Variants in HEMK2 observed in about 807,000 individuals in gnomAD.
HEMK2 encodes the protein methyltransferase HEMK2.
At chr21:28,785,219 C>T in the HEMK2 span, among the ~76,000 whole-genome samples, 3 of 152,152 alleles carry the variant, frequency 2.0e-5, no homozygotes, top group East Asian at 1.9e-4. Flanking sequence ...CGCAAGGGTC[C>T]GCGGCTTCAT....
chr21:28,770,825 T>C, the HEMK2 span, among the ~76,000 whole-genome samples: 1 of 152,104 alleles, frequency 6.6e-6, no homozygotes, highest in African/African-American at 2.4e-5. Flanking sequence ...GTCTGTGGTA[T>C]TCTCTCATAG....
chr21:28,742,977 T>C, the HEMK2 span, among the ~76,000 whole-genome samples: 3 of 152,182 alleles, frequency 2.0e-5, no homozygotes, highest in African/African-American at 7.2e-5. Context: ...CCCATTGTGA[T>C]AGTAAATATT....
the HEMK2 span, among the ~76,000 whole-genome samples, chr21:28,706,769 A>G: frequency 7.2e-6 from 1 of 138,382 alleles, no homozygotes. Flanking sequence ...GGAATTTCAG[A>G]TACTCACTCT....
chr21:28,585,315 G>C, the HEMK2 span, among the ~76,000 whole-genome samples: 1 of 147,664 alleles, frequency 6.8e-6, no homozygotes, highest in African/African-American at 2.5e-5. Context: ...CTGGGTGACA[G>C]AGCAAGACTC....
At chr21:28,717,526 C>G in the HEMK2 span, among the ~76,000 whole-genome samples, 1 of 146,680 alleles carries the variant, frequency 6.8e-6, no homozygotes, top group Non-Finnish European at 1.5e-5. Context: ...GTCACCCAGG[C>G]TGGAGTACAG....
At chr21:28,864,889 T>TAGATGATAGATATAGATAGATTA in the HEMK2 span, among the ~76,000 whole-genome samples, 6 of 95,554 alleles carry the variant, frequency 6.3e-5, no homozygotes, top group Admixed American at 3.0e-4. Context: ...TAGATATAGA[T>TAGATGATAGATATAGATAGATTA]GATAGATAGA....
chr21:28,653,734 C>T, the HEMK2 span, among the ~76,000 whole-genome samples: 1 of 152,164 alleles, frequency 6.6e-6, no homozygotes, highest in Non-Finnish European at 1.5e-5. Flanking sequence ...GATACAAGCA[C>T]TGATTTGTGT....
At chr21:28,883,023 T>C in the HEMK2 span, 1 of 1,608,732 alleles carries the variant, frequency 6.2e-7, no homozygotes, top group Non-Finnish European at 8.5e-7. Context: ...AGGCTAGGAA[T>C]GCAGATACTA....
At chr21:28,789,086 G>C in the HEMK2 span, among the ~76,000 whole-genome samples, 9 of 152,146 alleles carry the variant, frequency 5.9e-5, no homozygotes, top group Non-Finnish European at 1.0e-4. Context: ...CTGCAGAATT[G>C]TGAGAAATAA....
the HEMK2 span, among the ~76,000 whole-genome samples, chr21:28,672,817 T>G: frequency 6.6e-6 from 1 of 152,166 alleles, no homozygotes; most frequent in Non-Finnish European, 1.5e-5. Context: ...AAAATGTAAT[T>G]CTTCCCTCAC....
chr21:28,665,390 T>TAAAAA, the HEMK2 span, among the ~76,000 whole-genome samples: 4 of 73,422 alleles, frequency 5.4e-5, no homozygotes, highest in African/African-American at 2.7e-4. Context: ...TTTTTTAATT[T>TAAAAA]TTTTTTTTTT....
the HEMK2 span, among the ~76,000 whole-genome samples, chr21:28,582,187 C>T: frequency 2.6e-5 from 4 of 152,102 alleles, no homozygotes; most frequent in Non-Finnish European, 5.9e-5. Context: ...GTTTGGGGAC[C>T]ACTCAGTTCA....
the HEMK2 span, among the ~76,000 whole-genome samples, chr21:28,697,261 AT>A: frequency 2.6e-5 from 4 of 152,136 alleles, no homozygotes; most frequent in East Asian, 7.7e-4. Context: ...CTGCTTAGAA[AT>A]TTCTTTCCCC....
At chr21:28,672,998 AAGAGAAAGAAAGAAAG>A in the HEMK2 span, among the ~76,000 whole-genome samples, 2,432 of 122,572 alleles carry the variant, frequency 0.02, 68 homozygotes, top group African/African-American at 0.072. Context: ...AAGAAAAAGA[AAGAGAAAGAAAGAAAG>A]AAAGAAAGAA....
At chr21:28,824,144 C>G in the HEMK2 span, among the ~76,000 whole-genome samples, 1 of 152,212 alleles carries the variant, frequency 6.6e-6, no homozygotes, top group African/African-American at 2.4e-5. Context: ...AGTACCACAG[C>G]AGACCAATTA....
the HEMK2 span, among the ~76,000 whole-genome samples, chr21:28,656,646 T>C: frequency 6.6e-6 from 1 of 152,006 alleles, no homozygotes; most frequent in African/African-American, 2.4e-5. Flanking sequence ...ACATCAGGCC[T>C]CCACCTAAAC....
the HEMK2 span, among the ~76,000 whole-genome samples, chr21:28,794,491 TA>T: frequency 6.6e-6 from 1 of 152,204 alleles, no homozygotes; most frequent in Non-Finnish European, 1.5e-5. Flanking sequence ...ATGCAAACAC[TA>T]AAAACAACAA....
At chr21:28,784,766 G>A in the HEMK2 span, among the ~76,000 whole-genome samples, 3 of 152,076 alleles carry the variant, frequency 2.0e-5, no homozygotes, top group Non-Finnish European at 4.4e-5. Context: ...TCTGTAAAAT[G>A]GACCAATCAG....
At chr21:28,638,628 TG>T in the HEMK2 span, among the ~76,000 whole-genome samples, 2 of 152,194 alleles carry the variant, frequency 1.3e-5, no homozygotes, top group African/African-American at 4.8e-5. Context: ...AGTTAGCTCA[TG>T]ATCCTGAGGG....
Sources: allele counts gnomAD v4.1 joint callset (sites outside exome capture counted in the v4.1 genomes callset), GRCh38; gene constraint gnomAD v4.1.1; transcripts MANE v1.5; gene names NCBI Gene and HGNC (gene_info 2026-07-23, HGNC 2026-07-21).